Variants in GRIN3B observed in about 807,000 individuals in gnomAD.
The protein encoded by GRIN3B is glutamate ionotropic receptor NMDA type subunit 3B, also known as glutamate receptor ionotropic, NMDA 3B.
In GRIN3B, 77 loss-of-function variants were observed where a neutral mutation model predicts 66.0. That is an observed-to-expected ratio of 1.17 (90% CI 0.97 to 1.41). GRIN3B has a LOEUF of 1.41. Ranked by LOEUF, GRIN3B falls within the 40% of genes most tolerant of loss-of-function variation. The probability of loss-of-function intolerance (pLI) is 0.00; values close to 1 mark genes in which losing one functional copy is unlikely to be tolerated. For missense variants in GRIN3B, 1,787 were observed against 1,564.5 expected (o/e 1.14, Z -2.40); for synonymous variants, 823 against 749.7 (o/e 1.10, Z -1.60).
At position 1,008,175 on chromosome 19, in the gene GRIN3B, A is replaced by G. The variant is rs751485809; in HGVS notation, c.2350A>G (p.Thr784Ala). 1 of 1,606,878 alleles carries G rather than the reference A, an allele frequency of 6.2e-7. No individual in the cohort carries two copies. The highest frequency in any genetic ancestry group is 8.5e-7 in the Non-Finnish European group (1 of 1,177,464). Residue 784 changes from threonine to alanine, a missense_variant, in exon 6 of 9, where the codon ACC becomes GCC. Coordinates refer to ENST00000234389, the MANE Select transcript of GRIN3B (RefSeq NM_138690.3). ...CGGACTGCCCCAGAACTCGCCGCTC[A>G]CCTCCAACCTGTCCGAGTTCATCAG... ...GIGLPQNSPL[T>A]SNLSEFISRY...
chr19:1,008,302 G>A lies in GRIN3B; in HGVS notation c.2466+11G>A. ...TTTGCGGTTACAGAGGTGGGGCAGG[G>A]CCTGGGACAGAGGGTGGGGGTGGGG... On this transcript the variant is annotated intron_variant, in intron 6 of 8. Coordinates refer to ENST00000234389, the MANE Select transcript of GRIN3B (RefSeq NM_138690.3). 1.2e-6 allele frequency: 1 copy of A among 807,940 alleles called. No individual in the cohort carries two copies. Among genetic ancestry groups the A allele is most frequent in the Non-Finnish European group, 2.0e-6 (1 of 508,838 alleles). The allele number at this position is 807,940 out of a possible 1,614,324, so 50.0% of individuals were successfully genotyped here.
intron 1 of GRIN3B, chr19:1,002,668 G>A (rs2038695587): frequency 6.4e-6 from 1 of 156,150 alleles, no homozygotes; most frequent in Non-Finnish European, 1.4e-5. Context: ...GGGGTTCCCA[G>A]GCAGGTGGGT....
At position 1,000,457 on chromosome 19, in the gene GRIN3B, T is replaced by A; in HGVS notation, c.20T>A (p.Leu7Gln). Residue 7 changes from leucine (L) to glutamine (Q), a missense_variant, in exon 1 of 9, where the codon CTG becomes CAG. Transcript: ENST00000234389. The stretch of plus-strand genomic sequence containing the variant: ...TTTGCGATGGAGTTTGTGCGGGCGC[T>A]GTGGCTGGGCCTGGCGCTGGCGCTG... MEFVRA[L>Q]WLGLALALGP... 1 of 1,211,332 alleles carries A rather than the reference T, an allele frequency of 8.3e-7. No individual in the cohort carries two copies. Among genetic ancestry groups the A allele is most frequent in the East Asian group, 3.3e-5 (1 of 29,910 alleles). 75.0% of individuals were successfully genotyped at this position (1,211,332 alleles called of 1,614,324 possible).
In GRIN3B at chr19:1,009,441, G is replaced by A; in HGVS notation, c.2971G>A (p.Glu991Lys). The A allele has an allele frequency of 3.4e-6, 5 of 1,463,516 alleles. No homozygotes were observed. The highest frequency in any genetic ancestry group is 2.9e-5 in the East Asian group (1 of 34,034). 90.7% of individuals were successfully genotyped at this position (1,463,516 alleles called of 1,614,324 possible). The part of the protein sequence containing the change: ...GELQELERRI[E>K]VARERLRQAL... ...GCTGCAGGAGCTGGAGCGCCGCATC[G>A]AAGTCGCGCGTGAGCGGCTCCGCCA... Residue 991 changes from glutamate to lysine, a missense_variant, in exon 9 of 9, where the codon GAA becomes AAA. Physicochemically the swap from Glu to Lys is moderately conservative, Grantham distance 56. Transcript: ENST00000234389.
At position 1,003,294 on chromosome 19, in the gene GRIN3B, G is replaced by A; in HGVS notation, c.591G>A (p.Arg197=). Reference sequence around the variant, plus strand: ...CCCTCTGGACAAGCCGGGCTGGCCGGCCCCCACAGCTGGTCCTGGACCTAA... The same window carrying A: ...CCCTCTGGACAAGCCGGGCTGGCCGACCCCCACAGCTGGTCCTGGACCTAA... ...LVALWTSRAG[R]PPQLVLDLSR... is the part of the protein sequence containing the mutation. Residue 197 remains arginine, a synonymous_variant, in exon 2 of 9, where the codon CGG becomes CGA. Transcript: ENST00000234389. 1 of 1,570,560 alleles carries A rather than the reference G, an allele frequency of 6.4e-7. No homozygotes were observed. Among genetic ancestry groups the A allele is most frequent in the Non-Finnish European group, 8.6e-7 (1 of 1,160,230 alleles).
At chr19:1,000,925 C>A in intron 1 of GRIN3B, 62 bp downstream of exon 1, 1 of 1,325,636 alleles carries the variant, frequency 7.5e-7, no homozygotes, top group South Asian at 1.9e-5. Context: ...GTCGGGAGCC[C>A]TGGGGACGTC....
At position 1,002,742 on chromosome 19, in the gene GRIN3B, T is replaced by C. The variant is rs191357924; in HGVS notation, c.427-388T>C. 432 of 178,698 alleles carry C rather than the reference T, an allele frequency of 2.4e-3. 2 individuals are homozygous for C. In the Middle Eastern group the frequency reaches 0.026, roughly 11 times the overall value. 11.1% of individuals were successfully genotyped at this position (178,698 alleles called of 1,614,324 possible). On this transcript the variant is annotated intron_variant, in intron 1 of 8. Transcript: ENST00000234389. ...ACCTGAGGCTGGAGGCGTTCCAAGC[T>C]GGAGCCTGGGCTCTGCCTGGAGGAT...
Position 1,009,485 on chromosome 19 carries a change from C to T in GRIN3B, c.3015C>T (p.Gly1005=), listed in dbSNP as rs757718242. Residue 1005 remains glycine (G), a synonymous_variant, in exon 9 of 9, where the codon GGC becomes GGT. Transcript: ENST00000234389. ...TCCGCCAGGCCCTGGTGCGGCGCGGCCAGCTCCTGGCACAGCTCGGGGACA... is the reference window on the plus strand; with the variant it reads ...TCCGCCAGGCCCTGGTGCGGCGCGGTCAGCTCCTGGCACAGCTCGGGGACA... ...ERLRQALVRR[G]QLLAQLGDSA... The T allele has an allele frequency of 5.2e-5, 78 of 1,491,444 alleles. No individual in the cohort carries two copies. The highest frequency in any genetic ancestry group is 2.8e-4 in the African/African-American group (19 of 68,788). 92.4% of individuals were successfully genotyped at this position (1,491,444 alleles called of 1,614,324 possible).
chr19:1,003,492 ACTGCCGCCCAAGGCC>A lies in GRIN3B; in HGVS notation c.795_809del (p.Pro266_Pro270del). 1.3e-6 allele frequency: 2 copies of A among 1,536,698 alleles called. No homozygotes were observed. Among genetic ancestry groups the A allele is most frequent in the Non-Finnish European group, 1.7e-6 (2 of 1,146,308 alleles). On this transcript the variant is annotated inframe_deletion, in exon 2 of 9. Coordinates refer to ENST00000234389, the MANE Select transcript of GRIN3B (RefSeq NM_138690.3). ...GCCCCCACTGGCTGTTGGGGACACC[ACTGCCGCCCAAGGCC>A]CTGCCCACCGCGGGGCTGCCACCAG...
intron 1 of GRIN3B, 41 bp from the exon 2 acceptor site, chr19:1,003,089 G>A: frequency 7.5e-7 from 1 of 1,339,866 alleles, no homozygotes; most frequent in Non-Finnish European, 9.8e-7. Context: ...TTTTGTGGGG[G>A]TGGAGGTCGT....
chr19:1,005,305 G>A lies in GRIN3B; in HGVS notation c.1804G>A (p.Gly602Ser), dbSNP rs556153075. 1.6e-5 allele frequency: 26 copies of A among 1,613,624 alleles called. No individual in the cohort carries two copies. In the East Asian group the frequency reaches 2.0e-4, roughly 12 times the overall value. Residue 602 changes from glycine to serine, a missense_variant, in exon 3 of 9, where the codon GGC (glycine) becomes AGC (serine). Physicochemically the swap from Gly to Ser is moderately conservative, Grantham distance 56 (BLOSUM62 0). Transcript: ENST00000234389. This position sits in a 1 kb window ranked among gnomAD's most constrained non-coding sequence, Gnocchi z 5.2. The part of the protein sequence containing the change: ...LTVYEWRSPY[G>S]LTPRGRNRST... ...CGTGTACGAGTGGCGTAGCCCCTAC[G>A]GCCTCACGCCACGTGGCCGCAACCG...
intron 3 of GRIN3B, among the ~76,000 whole-genome samples, chr19:1,006,145 C>T (rs1363373955): frequency 1.3e-5 from 2 of 151,320 alleles, no homozygotes; most frequent in Non-Finnish European, 2.9e-5. Flanking sequence ...CCACCGCATC[C>T]AGCCTATTTT....
chr19:1,004,341 A>G (rs2038716180), intron 2 of GRIN3B, among the ~76,000 whole-genome samples, 180 bp from the exon 3 acceptor site: 1 of 152,158 alleles, frequency 6.6e-6, no homozygotes, highest in East Asian at 1.9e-4. Flanking sequence ...TCGGGCACGG[A>G]TGCCCCGGGA....
chr19:1,009,729 C>T lies in GRIN3B; in HGVS notation c.*127C>T. 1.2e-6 allele frequency: 1 copy of T among 818,904 alleles called. No homozygotes were observed. Among genetic ancestry groups the T allele is most frequent in the Non-Finnish European group, 1.7e-6 (1 of 584,090 alleles). The allele number at this position is 818,904 out of a possible 1,614,324, so 50.7% of individuals were successfully genotyped here. The stretch of plus-strand genomic sequence containing the variant: ...AATTAAATAGAATGGAATGAGCGCT[C>T]CTCCGCATTCCTCCCCGAGTGACTG... On this transcript the variant is annotated 3_prime_UTR_variant, in exon 9 of 9. Transcript: ENST00000234389.
At position 1,005,363 on chromosome 19, in the gene GRIN3B, A is replaced by G; in HGVS notation, c.1862A>G (p.Asn621Ser). ...GTCTTCTCCTACTCCTCAGCCCTCA[A>G]CCTGTGCTACGCCATCCTCTTCAGA... is the stretch of plus-strand genomic sequence containing the variant. The part of the protein sequence containing the change: ...STVFSYSSAL[N>S]LCYAILFRRT... The change falls in exon 3 of 9, where the codon AAC becomes AGC. Residue 621 changes from asparagine to serine, a missense_variant. Transcript: ENST00000234389. The surrounding 1 kb of genome is among the most constrained non-coding windows in gnomAD (Gnocchi z 5.2). 4 of 1,613,504 alleles carry G rather than the reference A, an allele frequency of 2.5e-6. No individual in the cohort carries two copies. The highest frequency in any genetic ancestry group is 3.4e-6 in the Non-Finnish European group (4 of 1,179,944).
Position 1,002,874 on chromosome 19 carries a change from C to CAA in GRIN3B, c.427-247_427-246dup, listed in dbSNP as rs745599169. 199 of 305,684 alleles carry CAA rather than the reference C, an allele frequency of 6.5e-4. 1 individual carries two copies. The highest frequency in any genetic ancestry group is 8.2e-4 in the Non-Finnish European group (140 of 170,202). 18.9% of individuals were successfully genotyped at this position (305,684 alleles called of 1,614,324 possible). A position where few individuals can be genotyped will look rare whatever the true frequency, so the allele number is the denominator to read the frequency against. On this transcript the variant is annotated intron_variant, in intron 1 of 8. Coordinates refer to ENST00000234389, the MANE Select transcript of GRIN3B (RefSeq NM_138690.3). ...TATTCCATCCGGGGAATGGCACATGCAAAAAAAAAACAAAAAACACCAAGT... is the reference window on the plus strand; with the variant it reads ...TATTCCATCCGGGGAATGGCACATGCAAAAAAAAAAAACAAAAAACACCAAGT...
chr19:1,005,149 TCCA>T lies in GRIN3B; in HGVS notation c.1652_1654del (p.Thr551del). The T allele has an allele frequency of 2.5e-6, 4 of 1,613,368 alleles. No individual in the cohort carries two copies. Among genetic ancestry groups the T allele is most frequent in the Non-Finnish European group, 3.4e-6 (4 of 1,179,942 alleles). On this transcript the variant is annotated inframe_deletion, in exon 3 of 9. Coordinates refer to ENST00000234389, the MANE Select transcript of GRIN3B (RefSeq NM_138690.3). The surrounding 1 kb of genome is among the most constrained non-coding windows in gnomAD (Gnocchi z 5.2). ...GGTGGACTTCACCAGCCCCTTCTTC[TCCA>T]CCAGCCTGGGCATCATGGTGCGGGC...
rs1263914368 is a variant in GRIN3B at position 1,009,617 on chromosome 19, C to G, written c.*15C>G. The G allele has an allele frequency of 7.1e-7, 1 of 1,413,356 alleles. No individual in the cohort carries two copies. The highest frequency in any genetic ancestry group is 3.1e-5 in the Admixed American group (1 of 32,338). The allele number at this position is 1,413,356 out of a possible 1,614,324, so 87.6% of individuals were successfully genotyped here. A position where few individuals can be genotyped will look rare whatever the true frequency, so the allele number is the denominator to read the frequency against. ...GCCAGGAATGAGGCGGCAGCCGGGC[C>G]GTTTGGGCTCAAGACACACACACAG... On this transcript the variant is annotated 3_prime_UTR_variant, in exon 9 of 9. Transcript: ENST00000234389.
At chr19:1,001,581 C>T (rs886870258) in intron 1 of GRIN3B, among the ~76,000 whole-genome samples, 6 of 152,076 alleles carry the variant, frequency 3.9e-5, no homozygotes, top group African/African-American at 1.4e-4. Context: ...CCCCAGATAA[C>T]AAGCCCCCTC....
Sources: allele counts gnomAD v4.1 joint callset (sites outside exome capture counted in the v4.1 genomes callset), GRCh38; gene constraint gnomAD v4.1.1; non-coding constraint Gnocchi (gnomAD v3.1); transcripts MANE v1.5; gene names NCBI Gene and HGNC (gene_info 2026-07-23, HGNC 2026-07-21).